Variants in FHIT observed in about 807,000 individuals in gnomAD.
FHIT encodes bis(5'-adenosyl)-triphosphatase.
A neutral mutation model predicts 17.9 loss-of-function variants in FHIT; 19 were observed. The observed-to-expected ratio is 1.06, with a 90% CI of 0.74 to 1.56. FHIT has a LOEUF of 1.56. FHIT is among the 40% of genes most tolerant of loss of function. FHIT has a pLI of 0.00. For synonymous variants in FHIT, 81 were observed against 69.7 expected, an observed-to-expected ratio of 1.16 and a Z score of -0.81; for missense variants, 248 against 189.2, an observed-to-expected ratio of 1.31 and a Z score of -1.82.
chr3:60,354,353 T>A (rs1462398094), intron 5 of FHIT, among the ~76,000 whole-genome samples: 1 of 152,086 alleles, frequency 6.6e-6, no homozygotes, highest in Non-Finnish European at 1.5e-5. Context: ...CCCATCAGAT[T>A]TGTAAAAATG....
intron 5 of FHIT, among the ~76,000 whole-genome samples, chr3:60,246,009 TTAAAG>T (rs1414492305): frequency 7.9e-5 from 12 of 152,096 alleles, no homozygotes; most frequent in African/African-American, 2.9e-4. Context: ...TATGCTTATG[TTAAAG>T]TAAACTGTTT....
chr3:60,459,040 C>G (rs1278681454), intron 5 of FHIT, among the ~76,000 whole-genome samples: 2 of 152,118 alleles, frequency 1.3e-5, no homozygotes, highest in African/African-American at 2.4e-5. Context: ...CCTTGTTCTC[C>G]CAAAGTGCTG....
At chr3:60,782,664 A>G (rs2108099384) in intron 4 of FHIT, among the ~76,000 whole-genome samples, 1 of 152,310 alleles carries the variant, frequency 6.6e-6, no homozygotes, top group Admixed American at 6.5e-5. Flanking sequence ...TATTCCATTC[A>G]TGCTGCTATA....
intron 2 of FHIT, among the ~76,000 whole-genome samples, chr3:61,174,404 T>A (rs1290723434): frequency 1.3e-5 from 2 of 152,184 alleles, no homozygotes; most frequent in East Asian, 3.9e-4. Context: ...GTAAGCATAA[T>A]CATTTTAAAT....
intron 5 of FHIT, among the ~76,000 whole-genome samples, chr3:60,353,736 T>G (rs1186063535): frequency 6.6e-6 from 1 of 152,002 alleles, no homozygotes; most frequent in Non-Finnish European, 1.5e-5. Flanking sequence ...CCAGAAGTAT[T>G]TGAGTGGCTG....
chr3:60,611,447 G>A (rs1370577980), intron 4 of FHIT, among the ~76,000 whole-genome samples: 1 of 152,106 alleles, frequency 6.6e-6, no homozygotes, highest in African/African-American at 2.4e-5. Flanking sequence ...CATCACCAAG[G>A]TCTGATTTTT....
At chr3:61,013,269 C>T (rs2031900499) in intron 3 of FHIT, among the ~76,000 whole-genome samples, 2 of 152,164 alleles carry the variant, frequency 1.3e-5, no homozygotes, top group South Asian at 2.1e-4. Context: ...TTCAGATTTG[C>T]TCTTTGATCC....
At chr3:60,338,969 C>G (rs997741298) in intron 5 of FHIT, among the ~76,000 whole-genome samples, 1 of 152,046 alleles carries the variant, frequency 6.6e-6, no homozygotes, top group East Asian at 1.9e-4. Context: ...AACAAGGCCT[C>G]CTTTACAGAC....
intron 3 of FHIT, among the ~76,000 whole-genome samples, chr3:60,976,109 T>C (rs1223514141): frequency 1.6e-5 from 2 of 126,286 alleles, no homozygotes; most frequent in African/African-American, 6.1e-5. Flanking sequence ...TTTTTTTTTT[T>C]TTTTTTTTTT....
At chr3:60,802,603 GTTTT>G (rs1701231971) in intron 4 of FHIT, among the ~76,000 whole-genome samples, 1 of 151,930 alleles carries the variant, frequency 6.6e-6, no homozygotes, top group South Asian at 2.1e-4. Flanking sequence ...CTCAATATTT[GTTTT>G]TTTGTTTTTT....
intron 3 of FHIT, among the ~76,000 whole-genome samples, chr3:60,931,010 T>C (rs192264087): frequency 4.3e-4 from 66 of 152,320 alleles, no homozygotes; most frequent in Non-Finnish European, 4.4e-4. Flanking sequence ...GTGGCACATA[T>C]ACACCATGGA....
At chr3:59,781,616 C>T (rs1702586569) in intron 8 of FHIT, among the ~76,000 whole-genome samples, 1 of 152,158 alleles carries the variant, frequency 6.6e-6, no homozygotes, top group Non-Finnish European at 1.5e-5. Context: ...GAAGGATTCC[C>T]AGTGGTCCCA....
intron 5 of FHIT, among the ~76,000 whole-genome samples, chr3:60,029,441 G>C (rs900912247): frequency 7.2e-5 from 11 of 152,152 alleles, no homozygotes; most frequent in Admixed American, 3.9e-4. Context: ...CTTAATATTA[G>C]GAGAGAGCAG....
At chr3:60,732,570 C>A (rs1553711586) in intron 4 of FHIT, 7 of 605,860 alleles carry the variant, frequency 1.2e-5, no homozygotes. Context: ...GCAAACAGCT[C>A]GAAGGAGACG....
intron 3 of FHIT, among the ~76,000 whole-genome samples, chr3:60,861,427 T>C (rs1703886601): frequency 6.6e-6 from 1 of 151,114 alleles, no homozygotes; most frequent in African/African-American, 2.4e-5. Context: ...TGTAGGGTGT[T>C]GAGCAGCATC....
At chr3:60,962,159 G>A (rs1176140310) in intron 3 of FHIT, among the ~76,000 whole-genome samples, 1 of 152,158 alleles carries the variant, frequency 6.6e-6, no homozygotes, top group Non-Finnish European at 1.5e-5. Context: ...CTTGTAAATT[G>A]GATTCCTAGG....
chr3:60,074,142 T>C (rs537044269), intron 5 of FHIT, among the ~76,000 whole-genome samples: 4 of 152,026 alleles, frequency 2.6e-5, no homozygotes, highest in South Asian at 2.1e-4. Flanking sequence ...TCACACCCTA[T>C]AGTCAAAACA....
At chr3:59,756,393 T>TA (rs1296885015) in intron 8 of FHIT, among the ~76,000 whole-genome samples, 1 of 152,104 alleles carries the variant, frequency 6.6e-6, no homozygotes, top group East Asian at 1.9e-4. Context: ...AATCGAGGCT[T>TA]CTCATGGTAA....
intron 5 of FHIT, among the ~76,000 whole-genome samples, chr3:60,320,223 T>G (rs1709359409): frequency 6.6e-6 from 1 of 152,216 alleles, no homozygotes; most frequent in South Asian, 2.1e-4. Context: ...TCATTTCAAA[T>G]TTGTTTATTC....
Sources: gnomAD v4.1 joint callset for allele counts (sites outside exome capture counted in the v4.1 genomes callset) on GRCh38, gnomAD v4.1.1 for gene constraint, MANE v1.5 for transcripts, NCBI Gene and HGNC (gene_info 2026-07-23, HGNC 2026-07-21) for gene names.